ADARB2: variants seen among roughly 807,000 people sequenced by gnomAD.
The protein encoded by ADARB2 is inactive double-stranded RNA-specific editase B2.
In ADARB2, 25 loss-of-function variants were observed where a neutral mutation model predicts 62.2. The ratio of observed to expected loss-of-function variants is 0.40; its 90% CI spans 0.29 to 0.56. ADARB2 has a LOEUF of 0.56. Ranked by LOEUF, ADARB2 falls within the 20% of genes least tolerant of loss-of-function variation. The pLI, the probability that ADARB2 is intolerant of heterozygous loss-of-function variation, is 0.43. For synonymous variants in ADARB2, 572 were observed against 500.8 expected (o/e 1.14, Z -1.90); for missense variants, 1,071 against 1,077.4 (o/e 0.99, Z 0.08).
At chr10:1,229,963 G>A (rs150728679) in intron 6 of ADARB2, among the ~76,000 whole-genome samples, 10 of 152,326 alleles carry the variant, frequency 6.6e-5, no homozygotes, top group African/African-American at 2.2e-4. Flanking sequence ...CTCGATGCAG[G>A]CCAAAGGGGA....
At chr10:1,258,391 A>G (rs1300577884) in intron 4 of ADARB2, among the ~76,000 whole-genome samples, 1 of 152,170 alleles carries the variant, frequency 6.6e-6, no homozygotes, top group African/African-American at 2.4e-5. Flanking sequence ...AAGACCCATC[A>G]GTGTGCTGTA....
intron 1 of ADARB2, among the ~76,000 whole-genome samples, chr10:1,584,441 T>C (rs1197142419): frequency 6.6e-6 from 1 of 152,164 alleles, no homozygotes; most frequent in African/African-American, 2.4e-5. Context: ...ATGGACACCC[T>C]GGATGCTGGT....
intron 1 of ADARB2, among the ~76,000 whole-genome samples, chr10:1,602,665 T>C (rs1461658891): frequency 1.2e-5 from 1 of 85,382 alleles, no homozygotes; most frequent in African/African-American, 4.2e-5. Context: ...TACATACACA[T>C]CCACACACAT....
intron 1 of ADARB2, among the ~76,000 whole-genome samples, chr10:1,399,542 G>A (rs113535102): frequency 2.4e-4 from 36 of 152,230 alleles, no homozygotes; most frequent in African/African-American, 7.7e-4. Context: ...TGGTGCCTGG[G>A]GTCCCTCTGC....
intron 1 of ADARB2, among the ~76,000 whole-genome samples, chr10:1,733,167 C>T (rs1835254953): frequency 6.6e-6 from 1 of 152,220 alleles, no homozygotes; most frequent in African/African-American, 2.4e-5. Context: ...AGCCCCTTCC[C>T]CTTTCCACTC....
At chr10:1,665,429 C>T (rs1179395560) in intron 1 of ADARB2, among the ~76,000 whole-genome samples, 5 of 152,260 alleles carry the variant, frequency 3.3e-5, no homozygotes, top group Non-Finnish European at 5.9e-5. Flanking sequence ...ACATCTGCCT[C>T]CACTGCCAAT....
intron 3 of ADARB2, among the ~76,000 whole-genome samples, chr10:1,274,464 T>G (rs1398434069): frequency 6.6e-6 from 1 of 151,698 alleles, no homozygotes; most frequent in East Asian, 1.9e-4. Context: ...AGCTCTTTGT[T>G]TTTTTTTTAG....
At chr10:1,270,928 G>A (rs1168734814) in intron 4 of ADARB2, 27 bp downstream of exon 4, 3 of 1,593,812 alleles carry the variant, frequency 1.9e-6, no homozygotes, top group South Asian at 1.1e-5. Context: ...AGATGAAAAT[G>A]CCCACAGGAA....
intron 1 of ADARB2, among the ~76,000 whole-genome samples, chr10:1,589,672 TA>T (rs749664319): frequency 1.1e-4 from 17 of 152,160 alleles, no homozygotes; most frequent in Non-Finnish European, 2.1e-4. Context: ...AGGAGGTTTT[TA>T]TTTTTATTTT....
chr10:1,726,007 C>T (rs1010613919), intron 1 of ADARB2, among the ~76,000 whole-genome samples: 1 of 152,246 alleles, frequency 6.6e-6, no homozygotes, highest in African/African-American at 2.4e-5. Context: ...AGCATTCAAT[C>T]TGTTGACTGA....
chr10:1,652,318 C>T (rs184268226), intron 1 of ADARB2, among the ~76,000 whole-genome samples: 28 of 152,320 alleles, frequency 1.8e-4, no homozygotes, highest in Admixed American at 1.6e-3. Context: ...CTGCTAGGGA[C>T]GTAGCAGTGA....
chr10:1,437,766 C>T lies in ADARB2; in HGVS notation c.101-58606G>A, dbSNP rs566176864. Among the ~76,000 whole-genome samples the T allele has an allele frequency of 8.6e-5, 13 of 152,008 alleles. No individual in the cohort carries two copies. The South Asian group carries it at 2.1e-3, about 24-fold the overall frequency. On this transcript the variant is annotated intron_variant, in intron 1 of 9. Transcript: ENST00000381312. ...AGGAAGCCAGCATTTCAGGCTGGAG[C>T]GAAGCTTCTTTGGAGGTGAAAAGTG...
chr10:1,299,702 A>G (rs12217329), intron 3 of ADARB2, among the ~76,000 whole-genome samples: 66,774 of 151,986 alleles, frequency 0.44, 16,286 homozygotes, highest in East Asian at 0.69. Flanking sequence ...TTCATCCATC[A>G]GACTAGGGAC....
chr10:1,726,165 CAT>C (rs1418492684), intron 1 of ADARB2, among the ~76,000 whole-genome samples: 1 of 152,214 alleles, frequency 6.6e-6, no homozygotes, highest in Non-Finnish European at 1.5e-5. Flanking sequence ...GCAAGTAGCA[CAT>C]ATGACAGAAT....
chr10:1,506,363 A>G (rs1831853419), intron 1 of ADARB2, among the ~76,000 whole-genome samples: 1 of 152,212 alleles, frequency 6.6e-6, no homozygotes, highest in Non-Finnish European at 1.5e-5. Context: ...GGAAGCTTCC[A>G]GATGATAAAA....
chr10:1,507,968 A>C (rs1393121929), intron 1 of ADARB2, among the ~76,000 whole-genome samples: 1 of 152,020 alleles, frequency 6.6e-6, no homozygotes, highest in Non-Finnish European at 1.5e-5. Flanking sequence ...CTGTTCTTTA[A>C]TTTTAGGGAT....
chr10:1,555,695 A>G (rs533649753), intron 1 of ADARB2, among the ~76,000 whole-genome samples: 247 of 152,286 alleles, frequency 1.6e-3, no homozygotes, highest in African/African-American at 5.8e-3. Flanking sequence ...AGCACTTTGG[A>G]AGGCCGAGGT....
chr10:1,512,194 C>T (rs1831945911), intron 1 of ADARB2, among the ~76,000 whole-genome samples: 1 of 151,636 alleles, frequency 6.6e-6, no homozygotes, highest in African/African-American at 2.4e-5. Context: ...CACTGGATAC[C>T]AACATATGGA....
intron 1 of ADARB2, among the ~76,000 whole-genome samples, chr10:1,689,645 C>A (rs778330530): frequency 6.6e-6 from 1 of 152,290 alleles, no homozygotes; most frequent in Non-Finnish European, 1.5e-5. Context: ...GTGATGGTGC[C>A]CTGCAGTTCA....
Sources: allele counts gnomAD v4.1 joint callset (sites outside exome capture counted in the v4.1 genomes callset), GRCh38; gene constraint gnomAD v4.1.1; transcripts MANE v1.5; gene names NCBI Gene and HGNC (gene_info 2026-07-23, HGNC 2026-07-21).